Variants in WWOX observed in about 807,000 individuals in gnomAD.
WWOX encodes WW domain-containing oxidoreductase.
A neutral mutation model predicts 46.2 loss-of-function variants in WWOX; 69 were observed. The ratio of observed to expected loss-of-function variants is 1.49; its 90% CI spans 1.23 to 1.82. The LOEUF is 1.82. Among genes scored for constraint, WWOX ranks in the 40% most tolerant of loss-of-function variants. The pLI, the probability that WWOX is intolerant of heterozygous loss-of-function variation, is 0.00. For synonymous variants in WWOX, 359 were observed against 202.6 expected, an observed-to-expected ratio of 1.77 and a Z score of -6.56; for missense variants, 919 against 542.6, an observed-to-expected ratio of 1.69 and a Z score of -6.89.
chr16:78,684,356 A>G (rs998479419), intron 8 of WWOX, among the ~76,000 whole-genome samples: 1 of 152,172 alleles, frequency 6.6e-6, no homozygotes, highest in Non-Finnish European at 1.5e-5. Context: ...GGACCTATGA[A>G]CCATGAGGGT....
At position 78,526,886 on chromosome 16, in the gene WWOX, C is replaced by T. The variant is rs72803903; in HGVS notation, c.1056+94134C>T. ...GCCTGGCCCAGTGTGCCAGCGAGGG[C>T]AGGTGCAATGGCTCACGCCTATAAT... On this transcript the variant is annotated intron_variant, in intron 8 of 8. Transcript: ENST00000566780. Among the ~76,000 whole-genome samples the T allele has an allele frequency of 7.1e-3, 1,074 of 152,298 alleles. 10 individuals are homozygous for T. The highest frequency in any genetic ancestry group is 0.015 in the South Asian group (72 of 4,822).
At chr16:79,188,376 C>G (rs1231749090) in intron 8 of WWOX, among the ~76,000 whole-genome samples, 1 of 106,214 alleles carries the variant, frequency 9.4e-6, no homozygotes, top group African/African-American at 4.0e-5. Context: ...TGCAAATGCT[C>G]TCTCTCTTTT....
intron 8 of WWOX, among the ~76,000 whole-genome samples, chr16:78,602,717 C>T (rs562217916): frequency 6.6e-6 from 1 of 152,254 alleles, no homozygotes; most frequent in East Asian, 1.9e-4. Flanking sequence ...AATCATTTTT[C>T]TTTAACGATC....
At chr16:79,096,103 A>T (rs1749408263) in intron 8 of WWOX, among the ~76,000 whole-genome samples, 1 of 145,208 alleles carries the variant, frequency 6.9e-6, no homozygotes, top group Admixed American at 7.0e-5. Context: ...CCTGACCTCA[A>T]CTGATCCGCC....
At chr16:78,248,896 C>G (rs1370499977) in intron 5 of WWOX, among the ~76,000 whole-genome samples, 2 of 118,390 alleles carry the variant, frequency 1.7e-5, no homozygotes, top group Non-Finnish European at 3.3e-5. Context: ...GAGGCAGAGT[C>G]TTGCTCCATC....
At chr16:78,355,043 A>G (rs1200176403) in intron 5 of WWOX, among the ~76,000 whole-genome samples, 1 of 151,958 alleles carries the variant, frequency 6.6e-6, no homozygotes, top group South Asian at 2.1e-4. Context: ...GAGGCAGGCG[A>G]ACTGCTTGAA....
rs534922576 is a variant in WWOX at position 78,135,228 on chromosome 16, A to G, written c.409+20074A>G. ...TCGTTATTTACCTAGCAAAGTGTTC[A>G]CATGACAGTGTTTGAAATGTACCAC... On this transcript the variant is annotated intron_variant, in intron 4 of 8. Coordinates refer to ENST00000566780, the MANE Select transcript of WWOX (RefSeq NM_016373.4). Among the ~76,000 whole-genome samples the G allele has an allele frequency of 3.9e-5, 6 of 152,340 alleles. No homozygotes were observed. In the South Asian group the frequency reaches 1.2e-3, roughly 32 times the overall value.
intron 5 of WWOX, among the ~76,000 whole-genome samples, chr16:78,315,967 C>T (rs2080348951): frequency 6.6e-6 from 1 of 151,612 alleles, no homozygotes; most frequent in African/African-American, 2.4e-5. Context: ...CACTGCAGGC[C>T]AGTTGCGGTC....
intron 8 of WWOX, among the ~76,000 whole-genome samples, chr16:78,849,442 C>T (rs1212278425): frequency 3.3e-5 from 5 of 151,706 alleles, no homozygotes; most frequent in African/African-American, 9.7e-5. Context: ...GGCCTGGTGG[C>T]GGGCGCCTGT....
At chr16:78,763,261 C>T (rs1032806765) in intron 8 of WWOX, among the ~76,000 whole-genome samples, 1 of 152,260 alleles carries the variant, frequency 6.6e-6, no homozygotes, top group African/African-American at 2.4e-5. Flanking sequence ...CTGCATCCTG[C>T]AAATTTTGGT....
intron 8 of WWOX, among the ~76,000 whole-genome samples, chr16:79,167,560 C>A (rs567809512): frequency 6.6e-6 from 1 of 152,126 alleles, no homozygotes; most frequent in African/African-American, 2.4e-5. Context: ...TGCTCCATGG[C>A]CTCCACGCAT....
intron 8 of WWOX, among the ~76,000 whole-genome samples, chr16:78,507,627 A>G (rs1348008512): frequency 6.6e-6 from 1 of 152,124 alleles, no homozygotes; most frequent in Non-Finnish European, 1.5e-5. Flanking sequence ...CATACTCGAC[A>G]TTCTTTGAGA....
chr16:78,109,675 G>T (rs1050877813), intron 2 of WWOX, 103 bp from the exon 3 acceptor site: 3 of 1,125,142 alleles, frequency 2.7e-6, no homozygotes, highest in Non-Finnish European at 3.9e-6. Context: ...GGGTGGGAGG[G>T]ACAGGCTTGG....
At chr16:78,901,199 A>C (rs1209162686) in intron 8 of WWOX, among the ~76,000 whole-genome samples, 1 of 152,200 alleles carries the variant, frequency 6.6e-6, no homozygotes, top group African/African-American at 2.4e-5. Context: ...TAGGTGCTGA[A>C]GGAGATAAAG....
intron 8 of WWOX, among the ~76,000 whole-genome samples, chr16:78,764,659 C>A (rs561480993): frequency 6.7e-6 from 1 of 148,952 alleles, no homozygotes; most frequent in East Asian, 2.0e-4. Flanking sequence ...CCTTTGATAA[C>A]CAAGACAAGT....
chr16:78,651,831 C>T (rs1436146489), intron 8 of WWOX, among the ~76,000 whole-genome samples: 2 of 152,204 alleles, frequency 1.3e-5, no homozygotes, highest in African/African-American at 4.8e-5. Context: ...TGGTTGGACT[C>T]ATGCCTTATT....
chr16:79,207,354 GCT>G (rs1395010300), intron 8 of WWOX, among the ~76,000 whole-genome samples: 1 of 152,228 alleles, frequency 6.6e-6, no homozygotes, highest in Non-Finnish European at 1.5e-5. Context: ...AGCCAAACCT[GCT>G]CACTTCAGAT....
At chr16:79,120,184 A>AG (rs1885965421) in intron 8 of WWOX, among the ~76,000 whole-genome samples, 2 of 152,214 alleles carry the variant, frequency 1.3e-5, no homozygotes, top group Admixed American at 6.5e-5. Context: ...CTGTGAGGCC[A>AG]GGGGGCTCAG....
chr16:78,931,615 A>G (rs1404122083), intron 8 of WWOX, among the ~76,000 whole-genome samples: 1 of 152,238 alleles, frequency 6.6e-6, no homozygotes. Context: ...CACATATAAA[A>G]GTAATTAGGT....
Sources: gnomAD v4.1 joint callset for allele counts (sites outside exome capture counted in the v4.1 genomes callset) on GRCh38, gnomAD v4.1.1 for gene constraint, MANE v1.5 for transcripts, NCBI Gene and HGNC (gene_info 2026-07-23, HGNC 2026-07-21) for gene names.